ZNF613: variants seen among roughly 807,000 people sequenced by gnomAD.
ZNF613 encodes zinc finger protein 613.
A neutral mutation model predicts 14.3 loss-of-function variants in ZNF613; 8 were observed. The observed-to-expected ratio is 0.56, with a 90% CI of 0.33 to 1.01. The LOEUF (loss-of-function observed/expected upper bound fraction) is 1.01, where lower values mean the gene tolerates loss of function less well. Among genes scored for constraint, ZNF613 ranks in the 50% least tolerant of loss-of-function variants. The pLI is 0.03. For synonymous variants in ZNF613, 228 were observed against 254.5 expected, an observed-to-expected ratio of 0.90 and a Z score of 0.99; for missense variants, 656 against 741.9, an observed-to-expected ratio of 0.88 and a Z score of 1.35.
chr19:51,938,721 C>A (rs988341105), intron 3 of ZNF613, among the ~76,000 whole-genome samples: 4 of 92,826 alleles, frequency 4.3e-5, no homozygotes, highest in African/African-American at 2.8e-4. Flanking sequence ...TATAAATGTA[C>A]ATGGATATAT....
intron 2 of ZNF613, among the ~76,000 whole-genome samples, chr19:51,934,716 C>T (rs538709615): frequency 5.3e-5 from 8 of 152,180 alleles, no homozygotes; most frequent in Admixed American, 2.6e-4. Context: ...TTACATTCTC[C>T]AGAAAGCTCA....
chr19:51,945,409 A>G lies in ZNF613; in HGVS notation c.1526A>G (p.Glu509Gly). Residue 509 changes from glutamate (E) to glycine (G), a missense_variant, in exon 6 of 6, where the codon GAG becomes GGG. Glu to Gly is a moderately conservative substitution (Grantham distance 98). Transcript: ENST00000293471. ...AGACATCGGAGAACTCATACAGGGG[A>G]GAGACCGTATGGATGCTCTGATTGT... Reference protein sequence around the residue: ...LNRHRRTHTGERPYGCSDCGK... With the variant: ...LNRHRRTHTGGRPYGCSDCGK... 1 of 1,613,736 alleles carries G rather than the reference A, an allele frequency of 6.2e-7. No individual in the cohort carries two copies. Among genetic ancestry groups the G allele is most frequent in the East Asian group, 2.2e-5 (1 of 44,870 alleles).
At chr19:51,941,422 C>T (rs1012238072) in intron 5 of ZNF613, among the ~76,000 whole-genome samples, 4 of 152,138 alleles carry the variant, frequency 2.6e-5, no homozygotes, top group African/African-American at 9.7e-5. Flanking sequence ...AGCACTCTCT[C>T]CTGACCACTA....
chr19:51,942,199 C>T lies in ZNF613; in HGVS notation c.235+1490C>T, dbSNP rs8112606. Among the ~76,000 whole-genome samples, 797 of 152,258 alleles carry T rather than the reference C, an allele frequency of 5.2e-3. 6 individuals are homozygous for T. Among genetic ancestry groups the T allele is most frequent in the African/African-American group, 0.018 (730 of 41,534 alleles). On this transcript the variant is annotated intron_variant, in intron 5 of 5. Coordinates refer to ENST00000293471, the MANE Select transcript of ZNF613 (RefSeq NM_001031721.4). ...AAAGCACTACATTTGAAGTAGTTTC[C>T]GCAGTGTGTCCCTTACTTTCCTTGT...
chr19:51,931,089 A>G (rs114291094), intron 2 of ZNF613, among the ~76,000 whole-genome samples: 1,744 of 152,316 alleles, frequency 0.011, 32 homozygotes, highest in African/African-American at 0.039. Context: ...TGGAATTGTT[A>G]GTATTTTTAA....
intron 2 of ZNF613, among the ~76,000 whole-genome samples, chr19:51,935,489 T>C (rs901459999): frequency 7.2e-5 from 11 of 152,142 alleles, no homozygotes; most frequent in South Asian, 2.1e-4. Context: ...AAGCCTTAGG[T>C]CAATGTTGGA....
At chr19:51,940,113 G>C (rs1170748611) in intron 3 of ZNF613, 96 bp from the exon 4 acceptor site, 2 of 1,499,796 alleles carry the variant, frequency 1.3e-6, no homozygotes, top group Non-Finnish European at 1.8e-6. Flanking sequence ...TATAGATGCA[G>C]ACTATTTGGT....
chr19:51,929,635 G>A (rs2085247942), intron 1 of ZNF613, 97 bp from the exon 2 acceptor site: 2 of 152,054 alleles, frequency 1.3e-5, no homozygotes, highest in South Asian at 4.1e-4. Flanking sequence ...CCTACCATCT[G>A]GATTTTATCA....
chr19:51,945,217 C>T lies in ZNF613; in HGVS notation c.1334C>T (p.Ser445Phe). Residue 445 changes from serine to phenylalanine, a missense_variant, in exon 6 of 6, where the codon TCC becomes TTC. Ser to Phe is a radical substitution (Grantham distance 155). Coordinates refer to ENST00000293471, the MANE Select transcript of ZNF613 (RefSeq NM_001031721.4). ...TTCAGCCAGAAGACATGTTTAATATCCCATCAGAGATTTCACACAGGAAAG... is the reference window on the plus strand; with the variant it reads ...TTCAGCCAGAAGACATGTTTAATATTCCATCAGAGATTTCACACAGGAAAG... Reference protein sequence around the residue: ...KGFSQKTCLISHQRFHTGKTP... With the variant: ...KGFSQKTCLIFHQRFHTGKTP... 6.2e-7 allele frequency: 1 copy of T among 1,614,086 alleles called. No homozygotes were observed.
At chr19:51,938,016 C>T (rs2085318312) in intron 3 of ZNF613, among the ~76,000 whole-genome samples, 1 of 152,070 alleles carries the variant, frequency 6.6e-6, no homozygotes, top group Admixed American at 6.6e-5. Flanking sequence ...CAGGCATGAG[C>T]CACCACGCCT....
At position 51,945,898 on chromosome 19, in the gene ZNF613, T is replaced by G. The variant is rs2085397941; in HGVS notation, c.*161T>G. On this transcript the variant is annotated 3_prime_UTR_variant, in exon 6 of 6. Coordinates refer to ENST00000293471, the MANE Select transcript of ZNF613 (RefSeq NM_001031721.4). ...ATACTCAGAGAAAAATAGTATGAAG[T>G]GGAGACTGGGAAATTCTTTTATGGG... 1 of 724,396 alleles carries G rather than the reference T, an allele frequency of 1.4e-6. No homozygotes were observed. Among genetic ancestry groups the G allele is most frequent in the Admixed American group, 2.9e-5 (1 of 35,006 alleles). The allele number at this position is 724,396 out of a possible 1,614,324, so 44.9% of individuals were successfully genotyped here.
intron 3 of ZNF613, among the ~76,000 whole-genome samples, chr19:51,936,907 C>T (rs1449207484): frequency 6.6e-6 from 1 of 152,120 alleles, no homozygotes; most frequent in Non-Finnish European, 1.5e-5. Context: ...CTCTAATCTC[C>T]AGGGAGCAGA....
intron 1 of ZNF613, among the ~76,000 whole-genome samples, chr19:51,928,963 T>C (rs2085242359): frequency 6.6e-6 from 1 of 152,198 alleles, no homozygotes; most frequent in African/African-American, 2.4e-5. Flanking sequence ...TCAGGTTTAC[T>C]GTGTGAATGT....
At chr19:51,935,992 G>T in intron 2 of ZNF613, 36 bp from the exon 3 acceptor site, 2 of 425,812 alleles carry the variant, frequency 4.7e-6, no homozygotes, top group Non-Finnish European at 8.3e-6. Flanking sequence ...ACCTGGGCCT[G>T]CAGGGAATGT....
At chr19:51,932,610 T>C (rs938544200) in intron 2 of ZNF613, among the ~76,000 whole-genome samples, 2 of 152,068 alleles carry the variant, frequency 1.3e-5, no homozygotes, top group African/African-American at 4.8e-5. Flanking sequence ...GTGCTGTCTG[T>C]ATGCATTTAC....
At chr19:51,942,785 G>T (rs1232224718) in intron 5 of ZNF613, 1 of 150,368 alleles carries the variant, frequency 6.7e-6, no homozygotes, top group Non-Finnish European at 1.5e-5. Flanking sequence ...TGCAACCTCT[G>T]CCTCCCTGGT....
chr19:51,942,249 TAG>T (rs2122823328), intron 5 of ZNF613, among the ~76,000 whole-genome samples: 1 of 152,326 alleles, frequency 6.6e-6, no homozygotes, highest in Non-Finnish European at 1.5e-5. Flanking sequence ...TATTTTTTGA[TAG>T]ACTATTACAT....
chr19:51,930,386 C>T (rs2122803977), intron 2 of ZNF613, among the ~76,000 whole-genome samples: 1 of 152,160 alleles, frequency 6.6e-6, no homozygotes, highest in East Asian at 1.9e-4. Context: ...CTCAGCCTCC[C>T]AAGTAGCTGA....
chr19:51,945,651 T>C lies in ZNF613; in HGVS notation c.1768T>C (p.Phe590Leu). The change falls in exon 6 of 6, where the codon TTC (phenylalanine) becomes CTC (leucine). Residue 590 changes from phenylalanine to leucine, a missense_variant. Coordinates refer to ENST00000293471, the MANE Select transcript of ZNF613 (RefSeq NM_001031721.4). ...AAQTSLTNSA[F>L]QAESKVAIVS... Reference sequence around the variant, plus strand: ...TCAGACCTCATTAACTAACAGTGCGTTCCAAGCAGAGAGCAAAGTAGCCAT... The same window carrying C: ...TCAGACCTCATTAACTAACAGTGCGCTCCAAGCAGAGAGCAAAGTAGCCAT... 1 of 1,614,100 alleles carries C rather than the reference T, an allele frequency of 6.2e-7. No individual in the cohort carries two copies.
Sources: gnomAD v4.1 joint callset for allele counts (sites outside exome capture counted in the v4.1 genomes callset) on GRCh38, gnomAD v4.1.1 for gene constraint, MANE v1.5 for transcripts, NCBI Gene and HGNC (gene_info 2026-07-23, HGNC 2026-07-21) for gene names.